VSTM4: variants seen among roughly 807,000 people sequenced by gnomAD.
The protein encoded by VSTM4 is V-set and transmembrane domain containing 4.
Under a neutral mutation model 36.4 loss-of-function variants are expected in VSTM4, and 20 were observed. The ratio of observed to expected loss-of-function variants is 0.55; its 90% CI spans 0.39 to 0.80. The LOEUF (loss-of-function observed/expected upper bound fraction) is 0.80, where lower values mean the gene tolerates loss of function less well. Among genes scored for constraint, VSTM4 ranks in the 30% least tolerant of loss-of-function variants. The probability of loss-of-function intolerance (pLI) is 0.00; values close to 1 mark genes in which losing one functional copy is unlikely to be tolerated. For missense variants in VSTM4, 392 were observed against 404.5 expected, an observed-to-expected ratio of 0.97 and a Z score of 0.26; for synonymous variants, 182 against 173.9, an observed-to-expected ratio of 1.05 and a Z score of -0.37.
intron 5 of VSTM4, among the ~76,000 whole-genome samples, chr10:49,062,269 T>C (rs913211643): frequency 6.6e-6 from 1 of 152,188 alleles, no homozygotes; most frequent in Non-Finnish European, 1.5e-5. Context: ...TACTCCTATT[T>C]CTGCTCTTTC....
chr10:49,090,013 T>C (rs1465288346), intron 2 of VSTM4, among the ~76,000 whole-genome samples: 1 of 152,144 alleles, frequency 6.6e-6, no homozygotes, highest in Non-Finnish European at 1.5e-5. Flanking sequence ...CCTTCAAGTG[T>C]GGAGTGGAAG....
chr10:49,030,178 G>A (rs988754148), intron 7 of VSTM4, among the ~76,000 whole-genome samples: 7 of 152,188 alleles, frequency 4.6e-5, no homozygotes, highest in Non-Finnish European at 1.0e-4. Flanking sequence ...AGAGGTAACC[G>A]TTAGAGCCAC....
chr10:49,100,018 A>G (rs1844638861), intron 2 of VSTM4, among the ~76,000 whole-genome samples: 3 of 152,212 alleles, frequency 2.0e-5, no homozygotes, highest in South Asian at 4.1e-4. Context: ...TCCGTGAAAA[A>G]GGAAAAAGAA....
intron 1 of VSTM4, among the ~76,000 whole-genome samples, chr10:49,115,179 T>C (rs957569177): frequency 1.1e-4 from 17 of 151,172 alleles, no homozygotes; most frequent in Non-Finnish European, 2.2e-4. Flanking sequence ...GCTGCGAGAG[T>C]ACCCAGCCCC....
At chr10:49,109,713 T>C (rs1844857794) in intron 1 of VSTM4, among the ~76,000 whole-genome samples, 1 of 152,136 alleles carries the variant, frequency 6.6e-6, no homozygotes, top group Non-Finnish European at 1.5e-5. Flanking sequence ...CTCCGCTGGA[T>C]GGGTATGAGG....
intron 5 of VSTM4, among the ~76,000 whole-genome samples, chr10:49,058,053 G>T (rs1384440794): frequency 1.3e-5 from 2 of 152,148 alleles, no homozygotes; most frequent in Non-Finnish European, 2.9e-5. Context: ...CTAATGAGAG[G>T]CCATTGGACC....
At chr10:49,040,648 T>C (rs1334363264) in intron 7 of VSTM4, among the ~76,000 whole-genome samples, 1 of 152,242 alleles carries the variant, frequency 6.6e-6, no homozygotes, top group Admixed American at 6.5e-5. Context: ...TAATGTCTAG[T>C]GTACACACTT....
At chr10:49,096,250 T>G (rs1445455321) in intron 2 of VSTM4, among the ~76,000 whole-genome samples, 1 of 152,202 alleles carries the variant, frequency 6.6e-6, no homozygotes. Context: ...ATCTAATCAT[T>G]AAATTTCCTC....
chr10:49,026,796 T>C (rs910529968), intron 7 of VSTM4, among the ~76,000 whole-genome samples: 3 of 152,074 alleles, frequency 2.0e-5, no homozygotes, highest in Non-Finnish European at 4.4e-5. Flanking sequence ...CTGACCTGGG[T>C]TCTCTAGCAA....
chr10:49,036,046 G>A (rs1228010011), intron 7 of VSTM4, among the ~76,000 whole-genome samples: 1 of 152,140 alleles, frequency 6.6e-6, no homozygotes, highest in Non-Finnish European at 1.5e-5. Flanking sequence ...AGACAGCCCT[G>A]TGTCAAGGTT....
At chr10:49,074,112 T>A (rs1008850968) in intron 4 of VSTM4, among the ~76,000 whole-genome samples, 5 of 152,234 alleles carry the variant, frequency 3.3e-5, no homozygotes, top group African/African-American at 1.2e-4. Flanking sequence ...ATCTAGCGTT[T>A]ATTTCAAGCG....
At chr10:49,090,597 C>T (rs775828463) in intron 2 of VSTM4, among the ~76,000 whole-genome samples, 2 of 152,152 alleles carry the variant, frequency 1.3e-5, no homozygotes, top group Non-Finnish European at 2.9e-5. Flanking sequence ...GATGCTGCCC[C>T]TCTCTGCCCT....
At chr10:49,052,571 C>T (rs1475307260) in intron 5 of VSTM4, among the ~76,000 whole-genome samples, 3 of 151,868 alleles carry the variant, frequency 2.0e-5, no homozygotes, top group African/African-American at 7.3e-5. Context: ...TTTCCCAATT[C>T]CCTTTGAATT....
chr10:49,030,227 C>T (rs2254412), intron 7 of VSTM4, among the ~76,000 whole-genome samples: 102,533 of 152,126 alleles, frequency 0.67, 36,473 homozygotes, highest in Non-Finnish European at 0.8. Context: ...GAGCGGAGGC[C>T]ACTGGTCCAC....
rs143034277 is a variant in VSTM4 at position 49,109,618 on chromosome 10, C to G, written c.56-1623G>C. Among the ~76,000 whole-genome samples, 650 of 152,294 alleles carry G rather than the reference C, an allele frequency of 4.3e-3. 4 individuals are homozygous for G. The highest frequency in any genetic ancestry group is 0.015 in the African/African-American group (605 of 41,552). ...CTTTTGTCATATAACGTTCCATTCA[C>G]AGGTCCCCAGGGATTAAAACACCAA... On this transcript the variant is annotated intron_variant, in intron 1 of 7. Transcript: ENST00000332853.
At chr10:49,038,275 C>T (rs555451468) in intron 7 of VSTM4, among the ~76,000 whole-genome samples, 1 of 152,192 alleles carries the variant, frequency 6.6e-6, no homozygotes, top group African/African-American at 2.4e-5. Context: ...TATTATTAGG[C>T]CTTAAGAAGA....
rs374972282 is a variant in VSTM4 at position 49,107,977 on chromosome 10, T to C, written c.74A>G (p.Asn25Ser). 28 of 1,587,766 alleles carry C rather than the reference T, an allele frequency of 1.8e-5. No homozygotes were observed. Among genetic ancestry groups the C allele is most frequent in the Non-Finnish European group, 2.3e-5 (27 of 1,166,148 alleles). The change falls in exon 2 of 8, where the codon AAT becomes AGT. Residue 25 changes from asparagine (N) to serine (S), a missense_variant. Coordinates refer to ENST00000332853, the MANE Select transcript of VSTM4 (RefSeq NM_001031746.5). Reference protein sequence around the residue: ...APAPEVCAALNVTVSPGPVVD... With the variant: ...APAPEVCAALSVTVSPGPVVD... ...CACGGGCCCCGGGGACACAGTGACATTGAGGGCCGCACAGACCTCTGCAGA... is the reference window on the plus strand; with the variant it reads ...CACGGGCCCCGGGGACACAGTGACACTGAGGGCCGCACAGACCTCTGCAGA...
intron 7 of VSTM4, among the ~76,000 whole-genome samples, chr10:49,027,827 C>T (rs1843286620): frequency 6.6e-6 from 1 of 152,228 alleles, no homozygotes; most frequent in South Asian, 2.1e-4. Context: ...AGCTAGCCAT[C>T]CACTCACCTG....
At chr10:49,089,661 AC>A (rs1029301429) in intron 2 of VSTM4, among the ~76,000 whole-genome samples, 25 of 152,346 alleles carry the variant, frequency 1.6e-4, no homozygotes, top group African/African-American at 4.8e-4. Context: ...CGGTGCAGCA[AC>A]TTTGGCATCT....
Sources: allele counts gnomAD v4.1 joint callset (sites outside exome capture counted in the v4.1 genomes callset), GRCh38; gene constraint gnomAD v4.1.1; transcripts MANE v1.5; gene names NCBI Gene and HGNC (gene_info 2026-07-23, HGNC 2026-07-21).